CHD1: variants seen among roughly 807,000 people sequenced by gnomAD.
CHD1 encodes the protein chromodomain helicase DNA binding protein 1.
CHD1 carries 36 observed loss-of-function variants against 224.2 expected under a neutral mutation model. The observed-to-expected ratio is 0.16, with a 90% CI of 0.12 to 0.21. CHD1 has a LOEUF of 0.21. Ranked by LOEUF, CHD1 falls within the 10% of genes least tolerant of loss-of-function variation. CHD1 has a pLI of 1.00. For synonymous variants in CHD1, 668 were observed against 658.3 expected (o/e 1.01, Z -0.23); for missense variants, 1,378 against 1,994.8 (o/e 0.69, Z 5.89).
intron 23 of CHD1, among the ~76,000 whole-genome samples, chr5:98,877,310 G>C (rs1156643399): frequency 6.6e-6 from 1 of 152,144 alleles, no homozygotes; most frequent in Non-Finnish European, 1.5e-5. Flanking sequence ...AGAAGAAAAA[G>C]TTCCAAATTA....
At position 98,875,079 on chromosome 5, in the gene CHD1, G is replaced by T; in HGVS notation, c.3433C>A (p.Leu1145Met). ...AATAATAAACGTATTTACCTTTCCA[G>T]AGGACCACCAAATTTCTTATAGCTC... ...IKSYKKFGGP[L>M]ERLDAIARDA... is the part of the protein sequence containing the mutation. The change falls in exon 25 of 36, where the codon CTG becomes ATG. Residue 1145 changes from leucine (L) to methionine (M), a missense_variant. Leu to Met is a conservative substitution (Grantham distance 15). Transcript: ENST00000614616. 6.7e-7 allele frequency: 1 copy of T among 1,490,144 alleles called. No individual in the cohort carries two copies. Among genetic ancestry groups the T allele is most frequent in the Non-Finnish European group, 9.3e-7 (1 of 1,074,392 alleles). The allele number at this position is 1,490,144 out of a possible 1,614,324, so 92.3% of individuals were successfully genotyped here. A position where few individuals can be genotyped will look rare whatever the true frequency, so the allele number is the denominator to read the frequency against.
rs1432249198 is a variant in CHD1, at chr5:98,879,738, T to A, written c.3061-10A>T. The A allele has an allele frequency of 6.4e-7, 1 of 1,562,314 alleles. No homozygotes were observed. The highest frequency in any genetic ancestry group is 8.6e-7 in the Non-Finnish European group (1 of 1,158,450). Reference sequence around the variant, plus strand: ...TTGAGAAGTTGGCAACCTGATAAATTTCAGAATTTTAAGAGTAACTGTTAC... The same window carrying A: ...TTGAGAAGTTGGCAACCTGATAAATATCAGAATTTTAAGAGTAACTGTTAC... On this transcript the variant is annotated splice_polypyrimidine_tract_variant and intron_variant, in intron 22 of 35. Transcript: ENST00000614616.
chr5:98,858,255 GAAT>G lies in CHD1; in HGVS notation c.4709_4711del (p.Asp1570_Ser1571delinsAla). On this transcript the variant is annotated inframe_deletion, in exon 35 of 36. Transcript: ENST00000614616. ...AAAAGAAGAATAGGGTCTTTTCCTG[GAAT>G]CACTTTTTTTGTAAGAATCTCCCTG... is the stretch of plus-strand genomic sequence containing the variant. 1.2e-6 allele frequency: 2 copies of G among 1,613,252 alleles called. No individual in the cohort carries two copies. Among genetic ancestry groups the G allele is most frequent in the Admixed American group, 3.3e-5 (2 of 60,000 alleles).
At chr5:98,884,284 C>T (rs1429013485) in intron 18 of CHD1, among the ~76,000 whole-genome samples, 4 of 151,902 alleles carry the variant, frequency 2.6e-5, no homozygotes, top group Non-Finnish European at 4.4e-5. Flanking sequence ...CTGTGTTAGC[C>T]AGAATGGTCT....
chr5:98,884,904 A>T (rs1348111737), intron 18 of CHD1, among the ~76,000 whole-genome samples: 2 of 149,658 alleles, frequency 1.3e-5, no homozygotes, highest in East Asian at 3.9e-4. Flanking sequence ...TTTTATTTTT[A>T]TTTTTTTTTG....
rs1053833517 is a variant in CHD1, at chr5:98,855,681, T to A, written c.*699A>T. ...GTTATTACACTGATTTTTTTTTTTT[T>A]AATAAGAAGGCCTGAGTTGGTAGGG... On this transcript the variant is annotated 3_prime_UTR_variant, in exon 36 of 36. Coordinates refer to ENST00000614616, the MANE Select transcript of CHD1 (RefSeq NM_001270.4). The A allele has an allele frequency of 3.3e-5, 5 of 151,462 alleles. No homozygotes were observed. The highest frequency in any genetic ancestry group is 6.6e-5 in the Admixed American group (1 of 15,182). The allele number at this position is 151,462 out of a possible 1,614,324, so 9.4% of individuals were successfully genotyped here.
chr5:98,878,063 C>T (rs1749893974), intron 23 of CHD1, among the ~76,000 whole-genome samples: 1 of 152,160 alleles, frequency 6.6e-6, no homozygotes. Context: ...ACCATACAAG[C>T]AGGTAAGAGG....
At chr5:98,928,106 G>A (rs993265968) in intron 1 of CHD1, among the ~76,000 whole-genome samples, 3 of 152,074 alleles carry the variant, frequency 2.0e-5, no homozygotes, top group Admixed American at 6.6e-5. Flanking sequence ...TCCCGGTCCA[G>A]GAGTCCCTCT....
In CHD1 at chr5:98,856,311, G is replaced by T; in HGVS notation, c.*69C>A. The T allele has an allele frequency of 9.1e-7, 1 of 1,104,372 alleles. No individual in the cohort carries two copies. The highest frequency in any genetic ancestry group is 1.3e-6 in the Non-Finnish European group (1 of 742,724). 68.4% of individuals were successfully genotyped at this position (1,104,372 alleles called of 1,614,324 possible). ...GTTTATATCTTTCAAGTCATGTAAG[G>T]CAATTACTGTGTTGGTTTATGATAT... is the stretch of plus-strand genomic sequence containing the variant. On this transcript the variant is annotated 3_prime_UTR_variant, in exon 36 of 36. Transcript: ENST00000614616.
At chr5:98,907,595 A>AG (rs1223434285) in intron 2 of CHD1, among the ~76,000 whole-genome samples, 3 of 151,872 alleles carry the variant, frequency 2.0e-5, no homozygotes, top group African/African-American at 4.8e-5. Flanking sequence ...TCTCAAAAAA[A>AG]AAAAAAAAAA....
At chr5:98,883,782 T>A (rs1202947301) in intron 18 of CHD1, 1 of 169,178 alleles carries the variant, frequency 5.9e-6, no homozygotes, top group Non-Finnish European at 1.1e-5. Context: ...TAAAGAAGAA[T>A]GAAATAATGG....
intron 2 of CHD1, among the ~76,000 whole-genome samples, chr5:98,919,457 A>G (rs767924152): frequency 7.2e-5 from 11 of 152,230 alleles, no homozygotes; most frequent in Non-Finnish European, 1.2e-4. Context: ...TTTTGACTAG[A>G]AACTTAAAGG....
chr5:98,881,445 T>C, intron 20 of CHD1, 70 bp from the exon 21 acceptor site: 2 of 687,982 alleles, frequency 2.9e-6, no homozygotes, highest in Non-Finnish European at 4.8e-6. Flanking sequence ...GCACTTTTAT[T>C]AATTACTGAC....
At chr5:98,891,428 A>T (rs2112465662) in intron 15 of CHD1, among the ~76,000 whole-genome samples, 1 of 152,334 alleles carries the variant, frequency 6.6e-6, no homozygotes, top group Non-Finnish European at 1.5e-5. Flanking sequence ...AAAAATATTT[A>T]TGGAAAAATT....
At chr5:98,858,877 AC>A (rs1467744414) in intron 34 of CHD1, 86 bp downstream of exon 34, 2 of 780,390 alleles carry the variant, frequency 2.6e-6, no homozygotes, top group African/African-American at 1.8e-5. Flanking sequence ...CAAGGTAAGA[AC>A]CTTTTTTATC....
intron 6 of CHD1, 21 bp from the exon 7 acceptor site, chr5:98,901,103 A>G: frequency 6.4e-7 from 1 of 1,566,622 alleles, no homozygotes. Context: ...GCAAAGAGAA[A>G]AAAAAACAAG....
intron 31 of CHD1, among the ~76,000 whole-genome samples, chr5:98,867,688 A>G (rs1205953941): frequency 6.6e-6 from 1 of 151,994 alleles, no homozygotes; most frequent in Non-Finnish European, 1.5e-5. Context: ...GTCTTTATTA[A>G]AAAGTCTTTC....
intron 31 of CHD1, among the ~76,000 whole-genome samples, chr5:98,866,964 T>C (rs1748919516): frequency 6.6e-6 from 1 of 152,138 alleles, no homozygotes; most frequent in Admixed American, 6.5e-5. Context: ...TCTACAACAA[T>C]CACTTATCGA....
intron 12 of CHD1, 107 bp downstream of exon 12, chr5:98,896,119 C>T: frequency 2.3e-6 from 2 of 885,638 alleles, no homozygotes; most frequent in Admixed American, 2.1e-5. Flanking sequence ...CATACCACTG[C>T]ACTCCAGCCT....
Sources: gnomAD v4.1 joint callset for allele counts (sites outside exome capture counted in the v4.1 genomes callset) on GRCh38, gnomAD v4.1.1 for gene constraint, MANE v1.5 for transcripts, NCBI Gene and HGNC (gene_info 2026-07-23, HGNC 2026-07-21) for gene names.